The following RBFOX1 variants were observed in gnomAD, a reference collection of about 807,000 sequenced individuals.
RBFOX1 encodes the protein RNA binding protein fox-1 homolog 1.
A neutral mutation model predicts 57.7 loss-of-function variants in RBFOX1; 8 were observed. The observed-to-expected ratio is 0.14, with a 90% CI of 0.08 to 0.25. The LOEUF is 0.25. RBFOX1 is among the 10% of genes least tolerant of loss of function. The pLI, the probability that RBFOX1 is intolerant of heterozygous loss-of-function variation, is 1.00. For synonymous variants in RBFOX1, 326 were observed against 222.4 expected (o/e 1.47, Z -4.15); for missense variants, 611 against 548.5 (o/e 1.11, Z -1.14).
At chr16:5,602,530 C>G (rs1399042426), downstream of RBFOX1, among the ~76,000 whole-genome samples, 1 of 152,116 alleles carries the variant, frequency 6.6e-6, no homozygotes, top group Non-Finnish European at 1.5e-5. Flanking sequence ...ACATGACATA[C>G]TGTTGAGTGA....
intron 4 of RBFOX1, among the ~76,000 whole-genome samples, chr16:5,928,928 G>C (rs1476783): frequency 0.21 from 32,062 of 151,226 alleles, 3,552 homozygotes; most frequent in Non-Finnish European, 0.24. Flanking sequence ...AACAGAGCTC[G>C]CAATGTGGCT....
intron 3 of RBFOX1, among the ~76,000 whole-genome samples, chr16:6,738,079 T>TAAAAA (rs60577324): frequency 7.1e-6 from 1 of 140,238 alleles, no homozygotes; most frequent in African/African-American, 2.7e-5. Flanking sequence ...CGGTAATTCT[T>TAAAAA]AAAAAAAAAA....
intron 1 of RBFOX1, among the ~76,000 whole-genome samples, chr16:5,308,897 T>A (rs188485958): frequency 1.2e-4 from 19 of 152,306 alleles, no homozygotes; most frequent in South Asian, 6.2e-4. Flanking sequence ...GCTAAATGCA[T>A]TGTGTTTTCA....
chr16:6,802,817 G>A (rs552311352), intron 3 of RBFOX1, among the ~76,000 whole-genome samples: 4 of 152,304 alleles, frequency 2.6e-5, no homozygotes, highest in East Asian at 3.9e-4. Context: ...AATATTTTTC[G>A]GAGACTTGGC....
rs534542704 is a variant in RBFOX1 at position 6,115,279 on chromosome 16, C to T, written c.-127+95287C>T. Among the ~76,000 whole-genome samples, 9 of 152,250 alleles carry T rather than the reference C, an allele frequency of 5.9e-5. No homozygotes were observed. The South Asian group carries it at 1.7e-3, about 28-fold the overall frequency. On this transcript the variant is annotated intron_variant, in intron 1 of 15. Transcript: ENST00000550418. ...TAGTTGGCATAATGTGGAGTATAAA[C>T]TTTAAGTTTTAGGATTTCACTGCCC...
At position 5,818,296 on chromosome 16, in the gene RBFOX1, C is replaced by T. The variant is rs9939038; in HGVS notation, c.319-49007C>T. Among the ~76,000 whole-genome samples, 788 of 152,268 alleles carry T rather than the reference C, an allele frequency of 5.2e-3. 7 individuals are homozygous for T. The highest frequency in any genetic ancestry group is 0.017 in the African/African-American group (719 of 41,538). On this transcript the variant is annotated intron_variant, in intron 3 of 19. Transcript: ENST00000641259. ...ACTGACAGGGTGAAGACCATTACCC[C>T]GGCAGGAAAGCCTGAGTTTCATTGC...
chr16:6,898,324 C>T (rs1479770996), intron 3 of RBFOX1, among the ~76,000 whole-genome samples: 1 of 152,108 alleles, frequency 6.6e-6, no homozygotes, highest in African/African-American at 2.4e-5. Context: ...ATAGCTTCCC[C>T]TTGGATGGAG....
chr16:5,309,886 T>A (rs890656783), intron 1 of RBFOX1, among the ~76,000 whole-genome samples: 1 of 152,200 alleles, frequency 6.6e-6, no homozygotes, highest in Non-Finnish European at 1.5e-5. Flanking sequence ...TCACAGGCAT[T>A]GTTCCTTGGG....
intron 3 of RBFOX1, among the ~76,000 whole-genome samples, chr16:6,785,029 G>GA (rs1005594076): frequency 3.3e-5 from 5 of 151,196 alleles, no homozygotes; most frequent in Admixed American, 2.0e-4. Flanking sequence ...ACTTCTGAGT[G>GA]AAAAAAAATA....
chr16:6,603,408 A>G (rs1158285056), intron 2 of RBFOX1, among the ~76,000 whole-genome samples: 4 of 152,222 alleles, frequency 2.6e-5, no homozygotes, highest in Admixed American at 2.6e-4. Context: ...GAAGGCCACC[A>G]TCTCCTGCAC....
chr16:6,957,470 A>T (rs1000221921), intron 3 of RBFOX1, among the ~76,000 whole-genome samples: 4 of 152,168 alleles, frequency 2.6e-5, no homozygotes, highest in African/African-American at 9.7e-5. Context: ...GTTAGACCAT[A>T]TAGGGTAACT....
intron 4 of RBFOX1, among the ~76,000 whole-genome samples, chr16:7,199,422 C>G (rs72636219): frequency 0.18 from 27,129 of 152,040 alleles, 2,625 homozygotes; most frequent in East Asian, 0.37. Flanking sequence ...GAATCATGCA[C>G]TTCAAAATGT....
At chr16:6,102,596 C>T (rs34955050) in intron 1 of RBFOX1, among the ~76,000 whole-genome samples, 40,964 of 151,948 alleles carry the variant, frequency 0.27, 6,828 homozygotes, top group Non-Finnish European at 0.37. Context: ...GCTCACGCCA[C>T]GTCTTCCCTC....
At chr16:7,219,006 A>G (rs532684791) in intron 4 of RBFOX1, among the ~76,000 whole-genome samples, 11 of 152,274 alleles carry the variant, frequency 7.2e-5, no homozygotes, top group African/African-American at 2.6e-4. Flanking sequence ...TGGTGGTCAC[A>G]AGAGAAGAAG....
At chr16:7,178,241 G>A (rs543329882) in intron 4 of RBFOX1, among the ~76,000 whole-genome samples, 1 of 152,226 alleles carries the variant, frequency 6.6e-6, no homozygotes. Context: ...GATTCAATTT[G>A]TCAGAGGCAC....
intron 3 of RBFOX1, among the ~76,000 whole-genome samples, chr16:5,651,935 C>G (rs979855021): frequency 1.3e-5 from 2 of 152,116 alleles, no homozygotes; most frequent in Non-Finnish European, 2.9e-5. Flanking sequence ...GAGTTCAAGA[C>G]CAGCCTGGCC....
intron 4 of RBFOX1, among the ~76,000 whole-genome samples, chr16:7,275,497 C>T (rs2095423267): frequency 1.3e-5 from 2 of 152,162 alleles, no homozygotes; most frequent in Non-Finnish European, 2.9e-5. Context: ...GACATGCCTG[C>T]ATATATGTGC....
intron 3 of RBFOX1, among the ~76,000 whole-genome samples, chr16:6,814,205 A>G (rs1299172471): frequency 1.4e-5 from 2 of 144,990 alleles, no homozygotes; most frequent in Non-Finnish European, 3.0e-5. Context: ...TGATGATAAT[A>G]ACTGTTTTCT....
chr16:5,371,029 C>T (rs1200329190), intron 1 of RBFOX1, among the ~76,000 whole-genome samples: 1 of 152,344 alleles, frequency 6.6e-6, no homozygotes, highest in African/African-American at 2.4e-5. Context: ...CTCACTGCAA[C>T]CTCTGCCTCC....
Sources: gnomAD v4.1 joint callset for allele counts (sites outside exome capture counted in the v4.1 genomes callset) on GRCh38, gnomAD v4.1.1 for gene constraint, MANE v1.5 for transcripts, NCBI Gene and HGNC (gene_info 2026-07-23, HGNC 2026-07-21) for gene names.